ZFP64: variants seen among roughly 807,000 people sequenced by gnomAD.
ZFP64 encodes the protein ZFP64 zinc finger protein.
ZFP64 carries 14 observed loss-of-function variants against 51.6 expected under a neutral mutation model. The observed-to-expected ratio is 0.27, with a 90% CI of 0.18 to 0.42. ZFP64 has a LOEUF of 0.42. ZFP64 is among the 10% of genes least tolerant of loss of function. The pLI is 1.00. For missense variants in ZFP64, 754 were observed against 906.8 expected (o/e 0.83, Z 2.16); for synonymous variants, 375 against 361.4 (o/e 1.04, Z -0.43).
downstream of ZFP64, among the ~76,000 whole-genome samples, chr20:52,147,492 T>A (rs550329121): frequency 8.5e-5 from 13 of 152,216 alleles, no homozygotes; most frequent in Admixed American, 3.9e-4. Context: ...GAAAACAAAA[T>A]AAGTAGTAAA....
At chr20:52,166,286 A>G (rs1982267960) in intron 2 of ZFP64, among the ~76,000 whole-genome samples, 1 of 152,064 alleles carries the variant, frequency 6.6e-6, no homozygotes, top group Non-Finnish European at 1.5e-5. Context: ...TAAAAGAAGC[A>G]GTTGAGAAAA....
intron 2 of ZFP64, among the ~76,000 whole-genome samples, chr20:52,176,622 G>A (rs1286646938): frequency 6.6e-6 from 1 of 151,028 alleles, no homozygotes; most frequent in Non-Finnish European, 1.5e-5. Context: ...CCATTCTCCT[G>A]CCTCAGCCTC....
Position 52,153,235 on chromosome 20 carries a change from A to G in ZFP64, c.957T>C (p.His319=). 1.2e-6 allele frequency: 2 copies of G among 1,614,246 alleles called. No homozygotes were observed. The highest frequency in any genetic ancestry group is 1.3e-5 in the African/African-American group (1 of 75,072). Residue 319 remains histidine, a synonymous_variant, in exon 6 of 6, where the codon CAT becomes CAC. Coordinates refer to ENST00000216923, the MANE Select transcript of ZFP64 (RefSeq NM_018197.3). This position sits in a 1 kb window ranked among gnomAD's most constrained non-coding sequence, Gnocchi z 5.1. ...KHSGNNFKCP[H]CDFLGDSKAT... Reference sequence around the variant, plus strand: ...CTTTGCTGTCACCCAGGAAGTCGCAATGAGGACACTTGAAGTTATTCCCGC... The same window carrying G: ...CTTTGCTGTCACCCAGGAAGTCGCAGTGAGGACACTTGAAGTTATTCCCGC...
chr20:52,114,375 G>A (rs1978756570), intron 5 of ZFP64, among the ~76,000 whole-genome samples: 1 of 152,166 alleles, frequency 6.6e-6, no homozygotes. Flanking sequence ...AATGTAACAT[G>A]TATACAGATC....
chr20:52,185,794 T>C (rs1289116842), intron 2 of ZFP64, among the ~76,000 whole-genome samples: 1 of 152,064 alleles, frequency 6.6e-6, no homozygotes, highest in Non-Finnish European at 1.5e-5. Context: ...TTGACCAGGC[T>C]GGTGTAGAAC....
intron 2 of ZFP64, among the ~76,000 whole-genome samples, chr20:52,173,597 A>T (rs1242212564): frequency 6.6e-6 from 1 of 152,174 alleles, no homozygotes; most frequent in African/African-American, 2.4e-5. Flanking sequence ...AGAAAAACAA[A>T]ACAAAAAACT....
At position 52,191,190 on chromosome 20, in the gene ZFP64, G is replaced by T. The variant is rs2123150292; in HGVS notation, c.46+401C>A. ...CCCCCAATCTCCAGGCTCTAATTTT[G>T]AGCCACTGAGGCAGAAGTTTTCCCA... On this transcript the variant is annotated intron_variant, in intron 1 of 5. Transcript: ENST00000216923. The surrounding 1 kb of genome is among the most constrained non-coding windows in gnomAD (Gnocchi z 4.3). Among the ~76,000 whole-genome samples the T allele has an allele frequency of 6.6e-6, 1 of 152,244 alleles. No individual in the cohort carries two copies. The highest frequency in any genetic ancestry group is 1.5e-5 in the Non-Finnish European group (1 of 67,996).
rs1224690033 is a variant in ZFP64 at position 52,097,581 on chromosome 20, A to G, written c.914-146T>C. ...GAGATTACCCTGTTTCAGCCTCCTG[A>G]GTAGCTGGGATTACAGGCGCCTGCC... On this transcript the variant is annotated intron_variant, in intron 6 of 8. Coordinates refer to the ZFP64 transcript ENST00000361387. 7.2e-6 allele frequency: 5 copies of G among 697,430 alleles called. No homozygotes were observed. The East Asian group carries it at 1.1e-4, about 16-fold the overall frequency. 43.2% of individuals were successfully genotyped at this position (697,430 alleles called of 1,614,324 possible).
intron 5 of ZFP64, among the ~76,000 whole-genome samples, chr20:52,155,689 C>A (rs75730990): frequency 0.022 from 3,317 of 151,808 alleles, 120 homozygotes; most frequent in African/African-American, 0.076. Context: ...AATGAAGTAT[C>A]CTGGTCAAAT....
intron 5 of ZFP64, among the ~76,000 whole-genome samples, chr20:52,108,332 T>C (rs1394304810): frequency 6.6e-6 from 1 of 152,188 alleles, no homozygotes; most frequent in African/African-American, 2.4e-5. Flanking sequence ...GATCTCGGTA[T>C]AGTCTTTTCT....
intron 5 of ZFP64, among the ~76,000 whole-genome samples, chr20:52,130,397 A>G (rs1979666894): frequency 6.6e-6 from 1 of 151,986 alleles, no homozygotes; most frequent in South Asian, 2.1e-4. Flanking sequence ...TATTTTTTGT[A>G]GAGAGGGGGT....
chr20:52,191,525 T>C lies in ZFP64; in HGVS notation c.46+66A>G, dbSNP rs1404198099. ...CCTGCTGGCTGCGTCGCAGACGTGC[T>C]TGGGCCCGGGCCCCGGAGCGCGCAC... On this transcript the variant is annotated intron_variant, in intron 1 of 5. Coordinates refer to ENST00000216923, the MANE Select transcript of ZFP64 (RefSeq NM_018197.3). The surrounding 1 kb of genome is among the most constrained non-coding windows in gnomAD (Gnocchi z 4.3). The C allele has an allele frequency of 3.4e-6, 5 of 1,476,356 alleles. No homozygotes were observed. The East Asian group carries it at 8.7e-5, about 26-fold the overall frequency. The allele number at this position is 1,476,356 out of a possible 1,614,324, so 91.5% of individuals were successfully genotyped here. A position where few individuals can be genotyped will look rare whatever the true frequency, so the allele number is the denominator to read the frequency against.
rs2078880458 is a variant in ZFP64, at chr20:52,087,833, C to T, written c.1228+559G>A. On this transcript the variant is annotated intron_variant, in intron 8 of 8. Transcript: ENST00000361387. ...CATTTGTCTGCTGGGACACAGCTTT[C>T]TATACTCAGTTTTAAACATCACTAT... Among the ~76,000 whole-genome samples, 5 of 152,186 alleles carry T rather than the reference C, an allele frequency of 3.3e-5. No individual in the cohort carries two copies. The South Asian group carries it at 1.0e-3, about 32-fold the overall frequency.
intron 2 of ZFP64, among the ~76,000 whole-genome samples, chr20:52,173,847 A>AAAGTTTTG (rs1332509529): frequency 6.6e-6 from 1 of 151,856 alleles, no homozygotes; most frequent in Non-Finnish European, 1.5e-5. Flanking sequence ...TGGGGGTTTC[A>AAAGTTTTG]CCATGTTGGT....
intron 2 of ZFP64, 99 bp downstream of exon 2, chr20:52,186,733 G>T: frequency 6.7e-7 from 1 of 1,483,950 alleles, no homozygotes; most frequent in South Asian, 1.4e-5. Context: ...CAACCCTAGG[G>T]GGTGGGCTCT....
intron 1 of ZFP64, among the ~76,000 whole-genome samples, chr20:52,189,021 G>T (rs1160881358): frequency 6.6e-6 from 1 of 151,856 alleles, no homozygotes; most frequent in Non-Finnish European, 1.5e-5. Flanking sequence ...AAATTTAGAA[G>T]AAACTTATAA....
chr20:52,106,922 C>T (rs554249395), intron 5 of ZFP64, among the ~76,000 whole-genome samples: 3 of 152,132 alleles, frequency 2.0e-5, no homozygotes, highest in African/African-American at 4.8e-5. Context: ...CATGATGGAA[C>T]CTTGTCTCTA....
At chr20:52,168,385 G>A (rs1031309944) in intron 2 of ZFP64, among the ~76,000 whole-genome samples, 1 of 152,164 alleles carries the variant, frequency 6.6e-6, no homozygotes, top group African/African-American at 2.4e-5. Context: ...TATTTCTCCT[G>A]GTTTCTCTCG....
chr20:52,091,824 C>A (rs2078930436), intron 7 of ZFP64, among the ~76,000 whole-genome samples: 1 of 113,656 alleles, frequency 8.8e-6, no homozygotes, highest in Admixed American at 9.8e-5. Flanking sequence ...CCCGTCTCTA[C>A]TAAAAATACA....
Sources: gnomAD v4.1 joint callset for allele counts (sites outside exome capture counted in the v4.1 genomes callset) on GRCh38, gnomAD v4.1.1 for gene constraint, Gnocchi (gnomAD v3.1) non-coding constraint, MANE v1.5 for transcripts, NCBI Gene and HGNC (gene_info 2026-07-23, HGNC 2026-07-21) for gene names.